COL11A1: variants seen among roughly 807,000 people sequenced by gnomAD.
COL11A1 encodes the protein collagen alpha-1(XI) chain.
COL11A1 carries 74 observed loss-of-function variants against 265.2 expected under a neutral mutation model. The ratio of observed to expected loss-of-function variants is 0.28; its 90% confidence interval spans 0.23 to 0.34. The LOEUF (loss-of-function observed/expected upper bound fraction) is 0.34, where lower values mean the gene tolerates loss of function less well. COL11A1 is among the 10% of genes least tolerant of loss of function. COL11A1 has a pLI of 1.00. For synonymous variants in COL11A1, 816 were observed against 727.6 expected (o/e 1.12, Z -1.96); for missense variants, 2,165 against 2,263.6 (o/e 0.96, Z 0.88).
At chr1:102,894,544 T>TAAAC (rs1652165534) in intron 57 of COL11A1, among the ~76,000 whole-genome samples, 2 of 151,430 alleles carry the variant, frequency 1.3e-5, no homozygotes, top group African/African-American at 4.8e-5. Flanking sequence ...AATAAATAAA[T>TAAAC]ACTGAAACAT....
intron 42 of COL11A1, among the ~76,000 whole-genome samples, chr1:102,943,605 T>C (rs1379203074): frequency 6.6e-6 from 1 of 152,072 alleles, no homozygotes; most frequent in African/African-American, 2.4e-5. Flanking sequence ...CATCACGTGG[T>C]AATCCAAAAA....
At chr1:103,107,069 G>T (rs1193852616) in intron 1 of COL11A1, among the ~76,000 whole-genome samples, 2 of 152,134 alleles carry the variant, frequency 1.3e-5, no homozygotes, top group Non-Finnish European at 2.9e-5. Flanking sequence ...CGATTCTAAG[G>T]CACCTAACGG....
At position 103,004,472 on chromosome 1, in the gene COL11A1, A is replaced by G; in HGVS notation, c.1916T>C (p.Ile639Thr). 6.2e-7 allele frequency: 1 copy of G among 1,612,188 alleles called. No homozygotes were observed. The highest frequency in any genetic ancestry group is 1.1e-5 in the South Asian group (1 of 90,892). The change falls in exon 20 of 67, where the codon ATT becomes ACT. Residue 639 changes from isoleucine (I) to threonine (T), a missense_variant. By Grantham distance (89) the Ile-to-Thr change is moderately conservative (BLOSUM62 -1). Coordinates refer to ENST00000370096, the MANE Select transcript of COL11A1 (RefSeq NM_001854.4). ...TTCACCTGGAAGACCTCTTGGTCCA[A>G]TTTCTCCATCTTCTCCCTGTCATTG... ...DDGMRGEDGE[I>T]GPRGLPGEAG...
At chr1:103,049,367 C>G (rs917468893) in intron 4 of COL11A1, among the ~76,000 whole-genome samples, 1 of 152,190 alleles carries the variant, frequency 6.6e-6, no homozygotes, top group Non-Finnish European at 1.5e-5. Context: ...CCTTCTTTGT[C>G]TCTTTTGATC....
chr1:103,012,231 C>T lies in COL11A1; in HGVS notation c.1629+182G>A, dbSNP rs568355626. Among the ~76,000 whole-genome samples, 7 of 151,846 alleles carry T rather than the reference C, an allele frequency of 4.6e-5. No individual in the cohort carries two copies. The East Asian group carries it at 5.8e-4, about 13-fold the overall frequency. On this transcript the variant is annotated intron_variant, in intron 14 of 66. Coordinates refer to ENST00000370096, the MANE Select transcript of COL11A1 (RefSeq NM_001854.4). ...TCAATTTAAAATTTTTTACTGAGACCTTTTGATCAAAATGTACAGAAAACT... is the reference window on the plus strand; with the variant it reads ...TCAATTTAAAATTTTTTACTGAGACTTTTTGATCAAAATGTACAGAAAACT...
intron 49 of COL11A1, among the ~76,000 whole-genome samples, chr1:102,919,252 T>C (rs926983568): frequency 4.1e-4 from 63 of 152,040 alleles, no homozygotes; most frequent in Admixed American, 2.8e-3. Context: ...AAGATTTATC[T>C]AATGAGTTAA....
intron 45 of COL11A1, 63 bp downstream of exon 45, chr1:102,934,997 G>T (rs1657995563): frequency 1.4e-6 from 2 of 1,479,934 alleles, no homozygotes; most frequent in Admixed American, 1.7e-5. Flanking sequence ...TTATGGGACA[G>T]TATACAAATT....
intron 22 of COL11A1, 64 bp downstream of exon 22, chr1:103,002,682 AC>A (rs1665223172): frequency 7.1e-7 from 1 of 1,398,934 alleles, no homozygotes; most frequent in Non-Finnish European, 1.0e-6. Flanking sequence ...AGATTTAACA[AC>A]AAAAAATGGT....
chr1:103,051,842 T>C (rs1035723088), intron 4 of COL11A1, among the ~76,000 whole-genome samples: 11 of 152,212 alleles, frequency 7.2e-5, no homozygotes, highest in African/African-American at 2.7e-4. Flanking sequence ...ATAGAAAAGA[T>C]GGTGAAATGA....
intron 1 of COL11A1, among the ~76,000 whole-genome samples, chr1:103,094,329 G>A (rs151274253): frequency 5.4e-4 from 82 of 152,202 alleles, no homozygotes; most frequent in African/African-American, 1.9e-3. Context: ...AGACAATCTG[G>A]CAGAAGTGGT....
At chr1:102,963,662 T>G (rs992524303) in intron 38 of COL11A1, among the ~76,000 whole-genome samples, 1 of 152,230 alleles carries the variant, frequency 6.6e-6, no homozygotes, top group African/African-American at 2.4e-5. Context: ...ACTATTTATC[T>G]TGGATAAGGT....
chr1:103,045,609 T>C (rs1338983275), intron 4 of COL11A1, among the ~76,000 whole-genome samples: 1 of 152,048 alleles, frequency 6.6e-6, no homozygotes, highest in Non-Finnish European at 1.5e-5. Flanking sequence ...TATATCAATA[T>C]TCTTTTTTTA....
In COL11A1 at chr1:103,026,285, T is replaced by C. The variant is rs764926559; in HGVS notation, c.828A>G (p.Ala276=). 1.2e-6 allele frequency: 2 copies of C among 1,613,784 alleles called. No homozygotes were observed. The highest frequency in any genetic ancestry group is 1.7e-6 in the Non-Finnish European group (2 of 1,179,680). The change falls in exon 6 of 67, where the codon GCA becomes GCG. Residue 276 remains alanine, a synonymous_variant. Coordinates refer to ENST00000370096, the MANE Select transcript of COL11A1 (RefSeq NM_001854.4). The stretch of plus-strand genomic sequence containing the variant: ...TTACACTTTCAGCCTCTTTATACTC[T>C]GCTTCCCCATACTCATAGTCATATT... ...IIEYDYEYGE[A]EYKEAESVTE...
chr1:102,940,683 A>T (rs1658631972), intron 42 of COL11A1, among the ~76,000 whole-genome samples: 1 of 152,214 alleles, frequency 6.6e-6, no homozygotes, highest in African/African-American at 2.4e-5. Flanking sequence ...TCTTTCAAAC[A>T]TGCAATTATT....
intron 44 of COL11A1, among the ~76,000 whole-genome samples, chr1:102,935,835 T>C (rs931533907): frequency 6.6e-6 from 1 of 152,168 alleles, no homozygotes; most frequent in African/African-American, 2.4e-5. Context: ...GAAAAGCTGG[T>C]TCATGGGCCA....
At chr1:102,983,885 G>A (rs532681842) in intron 31 of COL11A1, among the ~76,000 whole-genome samples, 3 of 152,134 alleles carry the variant, frequency 2.0e-5, no homozygotes, top group Admixed American at 2.0e-4. Flanking sequence ...GATATTTCTT[G>A]TTCCAATTAC....
chr1:103,047,483 T>C (rs1019575077), intron 4 of COL11A1, among the ~76,000 whole-genome samples: 11 of 152,224 alleles, frequency 7.2e-5, no homozygotes, highest in African/African-American at 2.7e-4. Flanking sequence ...AGGTTGCTTA[T>C]CAGCTTAAGG....
intron 41 of COL11A1, among the ~76,000 whole-genome samples, chr1:102,960,067 T>C (rs966987477): frequency 1.3e-5 from 2 of 152,176 alleles, no homozygotes; most frequent in African/African-American, 4.8e-5. Flanking sequence ...AATGCTACTG[T>C]CACTAACTTT....
chr1:103,069,451 C>A (rs1456038312), intron 4 of COL11A1, among the ~76,000 whole-genome samples: 1 of 151,642 alleles, frequency 6.6e-6, no homozygotes, highest in Non-Finnish European at 1.5e-5. Context: ...GAAACAACAA[C>A]GTTCTGATAC....
Sources: allele counts gnomAD v4.1 joint callset (sites outside exome capture counted in the v4.1 genomes callset), GRCh38; gene constraint gnomAD v4.1.1; transcripts MANE v1.5; gene names NCBI Gene and HGNC (gene_info 2026-07-23, HGNC 2026-07-21).